SZRD1: variants seen among roughly 807,000 people sequenced by gnomAD.
The protein encoded by SZRD1 is SUZ RNA binding domain containing 1.
A neutral mutation model predicts 17.6 loss-of-function variants in SZRD1; 7 were observed. That is an observed-to-expected ratio of 0.40 (90% CI 0.23 to 0.75). SZRD1 has a LOEUF of 0.75. Among genes scored for constraint, SZRD1 ranks in the 30% least tolerant of loss-of-function variants. The pLI, the probability that SZRD1 is intolerant of heterozygous loss-of-function variation, is 0.38. For synonymous variants in SZRD1, 77 were observed against 77.9 expected (o/e 0.99, Z 0.06); for missense variants, 178 against 201.8 (o/e 0.88, Z 0.71).
intron 2 of SZRD1, among the ~76,000 whole-genome samples, chr1:16,392,474 C>T (rs909672514): frequency 4.6e-5 from 7 of 152,152 alleles, no homozygotes; most frequent in African/African-American, 1.7e-4. Context: ...GTGGACACAT[C>T]GCCTTGATGT....
intron 1 of SZRD1, among the ~76,000 whole-genome samples, chr1:16,376,805 C>CACAAAA (rs2083010824): frequency 1.3e-5 from 1 of 75,616 alleles, no homozygotes; most frequent in Non-Finnish European, 2.5e-5. Flanking sequence ...GACTCTGTCT[C>CACAAAA]AAAAAAAAAA....
At chr1:16,383,766 T>C (rs1490373080) in intron 1 of SZRD1, among the ~76,000 whole-genome samples, 2 of 151,636 alleles carry the variant, frequency 1.3e-5, no homozygotes, top group Non-Finnish European at 2.9e-5. Flanking sequence ...ATTACAGGCA[T>C]GCGCCACCAC....
chr1:16,390,744 C>G (rs1454578622), intron 1 of SZRD1: 1 of 152,202 alleles, frequency 6.6e-6, no homozygotes, highest in Non-Finnish European at 1.5e-5. Context: ...CCAGGTGATG[C>G]ACCATGCTGG....
At chr1:16,371,822 C>T (rs190283239) in intron 1 of SZRD1, among the ~76,000 whole-genome samples, 139 of 152,258 alleles carry the variant, frequency 9.1e-4, no homozygotes, top group African/African-American at 3.2e-3. Flanking sequence ...GGTCGGAATA[C>T]AGCTCACTGC....
Position 16,367,253 on chromosome 1 carries a change from G to T in SZRD1, c.-5G>T, listed in dbSNP as rs1050415745. 2.6e-6 allele frequency: 4 copies of T among 1,548,358 alleles called. No individual in the cohort carries two copies. Among genetic ancestry groups the T allele is most frequent in the Non-Finnish European group, 3.5e-6 (4 of 1,146,440 alleles). On this transcript the variant is annotated 5_prime_UTR_variant, in exon 1 of 4. Transcript: ENST00000401088. ...GGTGGGGGAGGAGGGAAAGCGGCGA[G>T]TAAGATGGAAGATGAGGAGGTCGCT...
chr1:16,369,203 T>C (rs960858497), intron 1 of SZRD1: 7 of 492,568 alleles, frequency 1.4e-5, no homozygotes, highest in Non-Finnish European at 2.2e-5. Flanking sequence ...TAACATAATT[T>C]GTAGCTATCT....
chr1:16,389,312 T>C (rs1557630200), intron 1 of SZRD1, among the ~76,000 whole-genome samples: 1 of 151,366 alleles, frequency 6.6e-6, no homozygotes, highest in Non-Finnish European at 1.5e-5. Flanking sequence ...TCGCCCAGGC[T>C]GGAGTGCAGT....
intron 2 of SZRD1, among the ~76,000 whole-genome samples, chr1:16,392,002 A>G (rs566252734): frequency 1.2e-4 from 18 of 152,030 alleles, no homozygotes; most frequent in Admixed American, 6.6e-4. Flanking sequence ...TTGGTTTTCC[A>G]TAGGTACAAG....
Position 16,395,261 on chromosome 1 carries a change from C to A in SZRD1, c.*121C>A. ...CAGAGGGAACGACCTGACTTACTTG[C>A]ACTGTGATCCCCCTTGCTCCGCCCA... is the stretch of plus-strand genomic sequence containing the variant. On this transcript the variant is annotated 3_prime_UTR_variant, in exon 4 of 4. Transcript: ENST00000401088. 1.3e-6 allele frequency: 1 copy of A among 742,534 alleles called. No individual in the cohort carries two copies. The highest frequency in any genetic ancestry group is 2.5e-6 in the Non-Finnish European group (1 of 407,624). The allele number at this position is 742,534 out of a possible 1,614,324, so 46.0% of individuals were successfully genotyped here.
At chr1:16,377,561 TCAAAAAAAAAAA>T (rs1303059406) in intron 1 of SZRD1, among the ~76,000 whole-genome samples, 1 of 96,698 alleles carries the variant, frequency 1.0e-5, no homozygotes, top group East Asian at 2.5e-4. Context: ...AGACTCTGTC[TCAAAAAAAAAAA>T]AAAAAAAAGC....
At chr1:16,387,062 G>T (rs776853056) in intron 1 of SZRD1, 3 of 322,208 alleles carry the variant, frequency 9.3e-6, no homozygotes, top group Non-Finnish European at 1.8e-5. Flanking sequence ...CAGGGCTGGT[G>T]TGAGCAGAAA....
rs1208873606 is a variant in SZRD1, at chr1:16,398,004, G to A, written c.*2864G>A. 1.2e-6 allele frequency: 1 copy of A among 807,034 alleles called. No individual in the cohort carries two copies. The highest frequency in any genetic ancestry group is 1.9e-5 in the African/African-American group (1 of 53,656). The allele number at this position is 807,034 out of a possible 1,614,324, so 50.0% of individuals were successfully genotyped here. On this transcript the variant is annotated 3_prime_UTR_variant, in exon 4 of 4. Transcript: ENST00000401088. ...GTGTCTGAACAGAAGGGCATGGGAG[G>A]GAGGGCTGCACCCCTGCAGTCTTAC...
chr1:16,389,469 A>AT (rs57654464), intron 1 of SZRD1, among the ~76,000 whole-genome samples: 135,837 of 143,454 alleles, frequency 0.95, 64,677 homozygotes, highest in South Asian at 1. Flanking sequence ...CGCCTGGCTA[A>AT]TTTTTTTTTT....
At chr1:16,386,085 A>G (rs545584336) in intron 1 of SZRD1, among the ~76,000 whole-genome samples, 3 of 152,258 alleles carry the variant, frequency 2.0e-5, no homozygotes, top group African/African-American at 7.2e-5. Flanking sequence ...TTTGCTTAGG[A>G]TTTGGACCCG....
At chr1:16,371,846 T>C (rs898989790) in intron 1 of SZRD1, among the ~76,000 whole-genome samples, 4 of 152,158 alleles carry the variant, frequency 2.6e-5, no homozygotes, top group African/African-American at 4.8e-5. Context: ...CTCAGCCTCC[T>C]GAGTAGCTGG....
At chr1:16,375,755 T>C (rs937384488) in intron 1 of SZRD1, among the ~76,000 whole-genome samples, 6 of 152,122 alleles carry the variant, frequency 3.9e-5, no homozygotes, top group Non-Finnish European at 7.4e-5. Context: ...GAATAATAAA[T>C]ATGTACAGCT....
chr1:16,367,281 G>T lies in SZRD1; in HGVS notation c.24G>T (p.Glu8Asp), dbSNP rs757636810. 1.3e-6 allele frequency: 2 copies of T among 1,548,864 alleles called. No individual in the cohort carries two copies. Among genetic ancestry groups the T allele is most frequent in the Non-Finnish European group, 1.7e-6 (2 of 1,146,642 alleles). Residue 8 changes from glutamate (E) to aspartate (D), a missense_variant, in exon 1 of 4, where the codon GAG (glutamate) becomes GAT (aspartate). Physicochemically the swap from Glu to Asp is conservative, Grantham distance 45 (BLOSUM62 2). Coordinates refer to ENST00000401088, the MANE Select transcript of SZRD1 (RefSeq NM_001114600.3). MEDEEVA[E>D]SWEEAADSGE... is the part of the protein sequence containing the mutation. ...AGATGGAAGATGAGGAGGTCGCTGAGAGCTGGGAAGAGGCGGCAGACAGCG... is the reference window on the plus strand; with the variant it reads ...AGATGGAAGATGAGGAGGTCGCTGATAGCTGGGAAGAGGCGGCAGACAGCG...
At chr1:16,390,022 T>C (rs1361030139) in intron 1 of SZRD1, among the ~76,000 whole-genome samples, 1 of 152,244 alleles carries the variant, frequency 6.6e-6, no homozygotes, top group Non-Finnish European at 1.5e-5. Flanking sequence ...CAAAAATGGC[T>C]TGACATTGTC....
chr1:16,378,602 C>T (rs1220737364), intron 1 of SZRD1, among the ~76,000 whole-genome samples: 1 of 151,612 alleles, frequency 6.6e-6, no homozygotes, highest in East Asian at 2.0e-4. Context: ...TTATTTATAG[C>T]TTTAAGATCG....
Sources: allele counts gnomAD v4.1 joint callset (sites outside exome capture counted in the v4.1 genomes callset), GRCh38; gene constraint gnomAD v4.1.1; transcripts MANE v1.5; gene names NCBI Gene and HGNC (gene_info 2026-07-23, HGNC 2026-07-21).